The following EYA1 variants were observed in gnomAD, a reference collection of about 807,000 sequenced individuals.
The protein encoded by EYA1 is protein phosphatase EYA1.
EYA1 carries 16 observed loss-of-function variants against 82.0 expected under a neutral mutation model. The observed-to-expected ratio is 0.20, with a 90% CI of 0.13 to 0.30. The LOEUF (loss-of-function observed/expected upper bound fraction) is 0.30. Among genes scored for constraint, EYA1 ranks in the 10% least tolerant of loss-of-function variants. The pLI is 1.00. For missense variants in EYA1, 633 were observed against 730.7 expected (o/e 0.87, Z 1.54); for synonymous variants, 261 against 264.4 (o/e 0.99, Z 0.12).
chr8:71,262,650 T>C (rs1187046497), intron 11 of EYA1, among the ~76,000 whole-genome samples: 1 of 152,204 alleles, frequency 6.6e-6, no homozygotes, highest in Non-Finnish European at 1.5e-5. Context: ...TTCCCTTTTA[T>C]ATTCATGAAC....
chr8:71,383,929 A>G (rs1828843042), intron 2 of EYA1, among the ~76,000 whole-genome samples: 1 of 152,166 alleles, frequency 6.6e-6, no homozygotes, highest in Non-Finnish European at 1.5e-5. Context: ...TTTATATTTT[A>G]AAACTATTTC....
intron 7 of EYA1, among the ~76,000 whole-genome samples, chr8:71,313,011 A>G (rs1266113756): frequency 6.6e-6 from 1 of 152,100 alleles, no homozygotes; most frequent in African/African-American, 2.4e-5. Flanking sequence ...ATGTGACTGC[A>G]GGGCCCATGA....
intron 12 of EYA1, among the ~76,000 whole-genome samples, chr8:71,243,426 A>G (rs1812723273): frequency 6.6e-6 from 1 of 152,226 alleles, no homozygotes; most frequent in Non-Finnish European, 1.5e-5. Context: ...AAAAAATAGT[A>G]ATGCCTTACA....
At chr8:71,223,733 A>G (rs1009078331) in intron 12 of EYA1, among the ~76,000 whole-genome samples, 7 of 152,166 alleles carry the variant, frequency 4.6e-5, no homozygotes, top group African/African-American at 1.7e-4. Flanking sequence ...TTTCTGATCC[A>G]TCATCATCTC....
chr8:71,542,049 G>C (rs969126853), intron 1 of EYA1, among the ~76,000 whole-genome samples: 2 of 152,130 alleles, frequency 1.3e-5, no homozygotes, highest in Non-Finnish European at 2.9e-5. Flanking sequence ...AAGGAGAAGA[G>C]ATACAAAATA....
At chr8:71,233,694 T>C (rs1277725939) in intron 12 of EYA1, among the ~76,000 whole-genome samples, 1 of 152,236 alleles carries the variant, frequency 6.6e-6, no homozygotes, top group African/African-American at 2.4e-5. Context: ...GTATATTGTG[T>C]CTTGACATTA....
chr8:71,425,309 C>T lies in EYA1; in HGVS notation c.34-68798G>A, dbSNP rs908035624. 2.6e-5 allele frequency among the ~76,000 whole-genome samples: 4 copies of T among 151,578 alleles called. No homozygotes were observed. In the East Asian group the frequency reaches 5.8e-4, roughly 22 times the overall value. On this transcript the variant is annotated intron_variant, in intron 2 of 18. Transcript: ENST00000643681. ...TCTCAAAGAAAAAAAAAAGAAAATGCACACTTTAAAAACTTGCTTCTTAAA... is the reference window on the plus strand; with the variant it reads ...TCTCAAAGAAAAAAAAAAGAAAATGTACACTTTAAAAACTTGCTTCTTAAA...
At chr8:71,435,320 T>C (rs2129165323) in intron 2 of EYA1, among the ~76,000 whole-genome samples, 1 of 152,276 alleles carries the variant, frequency 6.6e-6, no homozygotes, top group South Asian at 2.1e-4. Context: ...CAAAGTGAAC[T>C]GTGAGCTTCT....
chr8:71,503,049 C>T (rs1453591765), intron 2 of EYA1, among the ~76,000 whole-genome samples: 2 of 152,154 alleles, frequency 1.3e-5, no homozygotes, highest in Non-Finnish European at 2.9e-5. Context: ...TGTTTCTATA[C>T]ATACATTTCT....
chr8:71,199,260 G>A lies in EYA1; in HGVS notation c.*80C>T, dbSNP rs566894382. On this transcript the variant is annotated 3_prime_UTR_variant, in exon 18 of 18. Coordinates refer to ENST00000340726, the MANE Select transcript of EYA1 (RefSeq NM_000503.6). Reference sequence around the variant, plus strand: ...CGGAAATTGCTAAGTTCTGGAGGCCGGCGCTGATGCGAGACTGGGGCCTGC... The same window carrying A: ...CGGAAATTGCTAAGTTCTGGAGGCCAGCGCTGATGCGAGACTGGGGCCTGC... 24 of 1,037,978 alleles carry A rather than the reference G, an allele frequency of 2.3e-5. No individual in the cohort carries two copies. Among genetic ancestry groups the A allele is most frequent in the African/African-American group, 4.7e-5 (3 of 63,320 alleles). The allele number at this position is 1,037,978 out of a possible 1,614,324, so 64.3% of individuals were successfully genotyped here. A position where few individuals can be genotyped will look rare whatever the true frequency, so the allele number is the denominator to read the frequency against.
In EYA1 at chr8:71,303,516, T is replaced by C. The variant is rs1266254949; in HGVS notation, c.557-3796A>G. On this transcript the variant is annotated intron_variant, in intron 7 of 17. Coordinates refer to ENST00000340726, the MANE Select transcript of EYA1 (RefSeq NM_000503.6). ...ACAAATATCCCCAGAGTGCAAAATATAATAACAATACTAGAGGTGTACATA... is the reference window on the plus strand; with the variant it reads ...ACAAATATCCCCAGAGTGCAAAATACAATAACAATACTAGAGGTGTACATA... 2.1e-5 allele frequency among the ~76,000 whole-genome samples: 3 copies of C among 142,394 alleles called. 1 individual carries two copies. Among genetic ancestry groups the C allele is most frequent in the East Asian group, 4.1e-4 (2 of 4,834 alleles). The allele number at this position is 142,394 out of a possible 152,430, so 93.4% of individuals were successfully genotyped here.
chr8:71,501,182 G>A (rs1811782495), intron 2 of EYA1, among the ~76,000 whole-genome samples: 1 of 152,200 alleles, frequency 6.6e-6, no homozygotes, highest in South Asian at 2.1e-4. Flanking sequence ...ATTAAATTTG[G>A]GTGGTGGGAT....
At chr8:71,294,250 G>C (rs956635090) in intron 9 of EYA1, among the ~76,000 whole-genome samples, 1 of 152,092 alleles carries the variant, frequency 6.6e-6, no homozygotes, top group African/African-American at 2.4e-5. Flanking sequence ...ACGAGGTCAG[G>C]AGATCGAGAC....
chr8:71,392,285 C>G (rs1377288634), intron 2 of EYA1, among the ~76,000 whole-genome samples: 1 of 152,152 alleles, frequency 6.6e-6, no homozygotes. Flanking sequence ...CTTGCATTGG[C>G]TCTTTTTCTA....
intron 12 of EYA1, among the ~76,000 whole-genome samples, chr8:71,239,172 T>C (rs1264969898): frequency 6.6e-6 from 1 of 152,226 alleles, no homozygotes; most frequent in East Asian, 1.9e-4. Flanking sequence ...TGTTTCTTTT[T>C]GGCCATTAGT....
Position 71,244,562 on chromosome 8 carries a change from T to C in EYA1, c.1140+41A>G, listed in dbSNP as rs1245412912. 2.9e-6 allele frequency: 3 copies of C among 1,034,352 alleles called. No individual in the cohort carries two copies. In the South Asian group the frequency reaches 4.1e-5, roughly 14 times the overall value. The allele number at this position is 1,034,352 out of a possible 1,614,324, so 64.1% of individuals were successfully genotyped here. ...CTTTATTTTAAAACCAATCACCTAT[T>C]TTCAGACATGCAAAAATATGTATTA... On this transcript the variant is annotated intron_variant, in intron 12 of 17. Transcript: ENST00000340726.
intron 16 of EYA1, among the ~76,000 whole-genome samples, chr8:71,212,602 TG>T (rs1585795375): frequency 6.6e-6 from 1 of 152,216 alleles, no homozygotes; most frequent in Non-Finnish European, 1.5e-5. Flanking sequence ...ATTGCCAATT[TG>T]GGGTCATGTA....
chr8:71,500,053 G>T (rs919303674), intron 2 of EYA1, among the ~76,000 whole-genome samples: 3 of 152,154 alleles, frequency 2.0e-5, no homozygotes, highest in South Asian at 4.1e-4. Flanking sequence ...AACACACAAC[G>T]ATGTCAATTT....
At chr8:71,372,893 T>G (rs1206758915) in intron 2 of EYA1, among the ~76,000 whole-genome samples, 8 of 152,032 alleles carry the variant, frequency 5.3e-5, no homozygotes, top group Admixed American at 5.2e-4. Context: ...ACTGATCACC[T>G]CAACAGGTGC....
Sources: allele counts gnomAD v4.1 joint callset (sites outside exome capture counted in the v4.1 genomes callset), GRCh38; gene constraint gnomAD v4.1.1; transcripts MANE v1.5; gene names NCBI Gene and HGNC (gene_info 2026-07-23, HGNC 2026-07-21).